The following ASIC2 variants were observed in gnomAD, a reference collection of about 807,000 sequenced individuals.
ASIC2 encodes acid sensing ion channel subunit 2, also known as acid-sensing ion channel 2.
In ASIC2, 25 loss-of-function variants were observed where a neutral mutation model predicts 57.3. The ratio of observed to expected loss-of-function variants is 0.44; its 90% CI spans 0.32 to 0.61. The LOEUF is 0.61. Ranked by LOEUF, ASIC2 falls within the 20% of genes least tolerant of loss-of-function variation. The pLI, the probability that ASIC2 is intolerant of heterozygous loss-of-function variation, is 0.06. For missense variants in ASIC2, 641 were observed against 738.1 expected, an observed-to-expected ratio of 0.87 and a Z score of 1.52; for synonymous variants, 319 against 307.5, an observed-to-expected ratio of 1.04 and a Z score of -0.39.
chr17:33,301,769 T>C (rs1176615968), intron 1 of ASIC2, among the ~76,000 whole-genome samples: 1 of 151,918 alleles, frequency 6.6e-6, no homozygotes, highest in Non-Finnish European at 1.5e-5. Flanking sequence ...CAGGGAGAGG[T>C]CTTTTTCCCT....
chr17:33,461,696 G>A (rs1279491041), intron 1 of ASIC2, among the ~76,000 whole-genome samples: 1 of 152,086 alleles, frequency 6.6e-6, no homozygotes, highest in African/African-American at 2.4e-5. Context: ...CATGAGAAGG[G>A]TGTGTTTATG....
chr17:33,878,570 A>G (rs1397397591), intron 1 of ASIC2, among the ~76,000 whole-genome samples: 1 of 152,242 alleles, frequency 6.6e-6, no homozygotes, highest in East Asian at 1.9e-4. Context: ...AAGAATAAAA[A>G]GAAATGAACG....
intron 1 of ASIC2, among the ~76,000 whole-genome samples, chr17:34,073,254 C>A (rs190645027): frequency 6.6e-6 from 1 of 152,160 alleles, no homozygotes; most frequent in Non-Finnish European, 1.5e-5. Context: ...ATTGAAATCA[C>A]CCCGAAAAGC....
chr17:34,083,729 T>C (rs930767309), intron 1 of ASIC2, among the ~76,000 whole-genome samples: 4 of 152,356 alleles, frequency 2.6e-5, no homozygotes, highest in South Asian at 2.1e-4. Context: ...TGGTGTAAGA[T>C]GATATCCCAT....
intron 1 of ASIC2, among the ~76,000 whole-genome samples, chr17:33,695,966 A>G (rs1195776124): frequency 6.6e-6 from 1 of 152,222 alleles, no homozygotes; most frequent in Non-Finnish European, 1.5e-5. Context: ...CTCATTTAAT[A>G]TGTTGAGACC....
chr17:33,859,266 A>G (rs1914042956), intron 1 of ASIC2, among the ~76,000 whole-genome samples: 1 of 152,254 alleles, frequency 6.6e-6, no homozygotes, highest in African/African-American at 2.4e-5. Context: ...TCTCCAGGCT[A>G]GAAGCTATAG....
chr17:33,370,886 T>C (rs1351400927), intron 1 of ASIC2, among the ~76,000 whole-genome samples: 1 of 152,124 alleles, frequency 6.6e-6, no homozygotes, highest in Non-Finnish European at 1.5e-5. Context: ...TCCAGGCAAG[T>C]CCGCAGTGCA....
chr17:33,754,978 A>C (rs1292773429), intron 1 of ASIC2, among the ~76,000 whole-genome samples: 1 of 150,288 alleles, frequency 6.7e-6, no homozygotes, highest in African/African-American at 2.4e-5. Context: ...AAAAAAAAAA[A>C]AGAACAGTTC....
At chr17:34,003,270 GT>G (rs773781488) in intron 1 of ASIC2, 3 of 152,152 alleles carry the variant, frequency 2.0e-5, no homozygotes, top group Admixed American at 6.5e-5. Context: ...TTTGACCTCA[GT>G]TTTCTCATTC....
At chr17:33,808,289 T>C (rs1912325272) in intron 1 of ASIC2, among the ~76,000 whole-genome samples, 1 of 152,236 alleles carries the variant, frequency 6.6e-6, no homozygotes, top group Non-Finnish European at 1.5e-5. Flanking sequence ...GATGGTCTTT[T>C]CTCCATTATA....
intron 3 of ASIC2, 111 bp from the exon 4 acceptor site, chr17:33,028,503 T>C: frequency 7.4e-7 from 1 of 1,347,054 alleles, no homozygotes; most frequent in Non-Finnish European, 1.0e-6. Context: ...CCATTAACTT[T>C]ATAGACCTTC....
chr17:33,028,887 G>A (rs963426490), intron 3 of ASIC2, among the ~76,000 whole-genome samples: 12 of 152,168 alleles, frequency 7.9e-5, no homozygotes, highest in African/African-American at 2.9e-4. Context: ...GAATGAAATG[G>A]CTCTAGGCAC....
rs570384078 is a variant in ASIC2, at chr17:33,383,256, A to T, written c.556-271189T>A. ...AAGTGATTTTATACCCTTTCCTTTCATTAGATCATGAGTGGTTTGAGGGTG... is the reference window on the plus strand; with the variant it reads ...AAGTGATTTTATACCCTTTCCTTTCTTTAGATCATGAGTGGTTTGAGGGTG... On this transcript the variant is annotated intron_variant, in intron 1 of 9. Coordinates refer to the ASIC2 transcript ENST00000359872. Among the ~76,000 whole-genome samples the T allele has an allele frequency of 2.0e-5, 3 of 152,238 alleles. No individual in the cohort carries two copies. In the South Asian group the frequency reaches 6.2e-4, roughly 32 times the overall value.
chr17:33,449,258 C>G (rs777028175), intron 1 of ASIC2, among the ~76,000 whole-genome samples: 1 of 151,974 alleles, frequency 6.6e-6, no homozygotes, highest in East Asian at 1.9e-4. Flanking sequence ...TCATTATCTC[C>G]CCAGAACCAG....
At chr17:33,756,519 C>T (rs1910608628) in intron 1 of ASIC2, among the ~76,000 whole-genome samples, 1 of 152,190 alleles carries the variant, frequency 6.6e-6, no homozygotes, top group African/African-American at 2.4e-5. Context: ...AAGGATCACT[C>T]TCTCCTTCCA....
intron 1 of ASIC2, among the ~76,000 whole-genome samples, chr17:33,861,428 A>G (rs1914098718): frequency 6.6e-6 from 1 of 152,180 alleles, no homozygotes. Flanking sequence ...ATTCATGGCA[A>G]CCCTTTAATA....
chr17:33,106,951 A>C (rs1465563401), intron 2 of ASIC2, among the ~76,000 whole-genome samples: 2 of 152,114 alleles, frequency 1.3e-5, no homozygotes, highest in Non-Finnish European at 2.9e-5. Flanking sequence ...AGGATTTAGG[A>C]GCCTTGGGTT....
intron 1 of ASIC2, among the ~76,000 whole-genome samples, chr17:33,193,393 G>C (rs922794333): frequency 1.3e-4 from 20 of 152,290 alleles, no homozygotes; most frequent in African/African-American, 4.8e-4. Flanking sequence ...GGCTGCCTGG[G>C]TGGTCAGAGT....
At position 33,488,690 on chromosome 17, in the gene ASIC2, C is replaced by T. The variant is rs1346940545; in HGVS notation, c.556-376623G>A. Among the ~76,000 whole-genome samples the T allele has an allele frequency of 3.9e-5, 6 of 152,118 alleles. No homozygotes were observed. In the East Asian group the frequency reaches 1.2e-3, roughly 29 times the overall value. On this transcript the variant is annotated intron_variant, in intron 1 of 9. Transcript: ENST00000359872. ...TCCTGTAAAGAATTCTTTTATGACC[C>T]TACCACATCCCTAAAACTCACGCCC...
Sources: allele counts gnomAD v4.1 joint callset (sites outside exome capture counted in the v4.1 genomes callset), GRCh38; gene constraint gnomAD v4.1.1; transcripts MANE v1.5; gene names NCBI Gene and HGNC (gene_info 2026-07-23, HGNC 2026-07-21).